The following RIF1 variants were observed in gnomAD, a reference collection of about 807,000 sequenced individuals.
RIF1 encodes telomere-associated protein RIF1.
A neutral mutation model predicts 247.1 loss-of-function variants in RIF1; 45 were observed. The observed-to-expected ratio is 0.18, with a 90% CI of 0.14 to 0.23. The LOEUF is 0.23. Ranked by LOEUF, RIF1 falls within the 10% of genes least tolerant of loss-of-function variation. The pLI is 1.00. For synonymous variants in RIF1, 1,087 were observed against 978.8 expected (o/e 1.11, Z -2.06); for missense variants, 2,967 against 2,862.5 (o/e 1.04, Z -0.83).
chr2:151,483,547 A>G (rs2049265694), downstream of RIF1, among the ~76,000 whole-genome samples: 1 of 152,140 alleles, frequency 6.6e-6, no homozygotes, highest in African/African-American at 2.4e-5. Context: ...TTTTATATAT[A>G]CAGTCATCCC....
At chr2:151,449,615 T>A (rs1693913262) in intron 20 of RIF1, among the ~76,000 whole-genome samples, 1 of 152,110 alleles carries the variant, frequency 6.6e-6, no homozygotes, top group Non-Finnish European at 1.5e-5. Flanking sequence ...CCACCAACCT[T>A]TTTGTTCTGA....
intron 35 of RIF1, 70 bp from the exon 36 acceptor site, chr2:151,474,787 A>C: frequency 1.1e-6 from 1 of 896,044 alleles, no homozygotes; most frequent in Non-Finnish European, 1.8e-6. Context: ...GGACTAACTT[A>C]AAAGATCATG....
chr2:151,500,470 A>AAAGAT (rs2063584586), intron 11 of RIF1, among the ~76,000 whole-genome samples: 1 of 152,124 alleles, frequency 6.6e-6, no homozygotes. Context: ...AATATTAATA[A>AAAGAT]AAGATAACAT....
At chr2:151,518,326 G>T in the RIF1 span, 3 of 1,600,914 alleles carry the variant, frequency 1.9e-6, no homozygotes, top group Non-Finnish European at 2.6e-6. Context: ...ACTATACTCT[G>T]TAATTCTGTG....
intron 10 of RIF1, chr2:151,497,812 G>C: frequency 6.5e-7 from 1 of 1,533,442 alleles, no homozygotes; most frequent in East Asian, 2.5e-5. Flanking sequence ...AGTCATCCAA[G>C]GAGCCAGAAG....
chr2:151,436,930 A>G lies in RIF1; in HGVS notation c.1299A>G (p.Glu433=). The stretch of plus-strand genomic sequence containing the variant: ...CATCCATTCAACTTTTGGGACTTGA[A>G]ATGTTGCTTCATTTCTTGTTGGGTC... ...TIPSIQLLGL[E]MLLHFLLGPE... The change falls in exon 12 of 36, where the codon GAA becomes GAG. Residue 433 remains glutamate (E), a synonymous_variant. Coordinates refer to ENST00000444746, the MANE Select transcript of RIF1 (RefSeq NM_018151.5). The G allele has an allele frequency of 6.2e-7, 1 of 1,614,050 alleles. No individual in the cohort carries two copies.
the RIF1 span, among the ~76,000 whole-genome samples, chr2:151,528,171 G>C: frequency 6.6e-6 from 1 of 152,202 alleles, no homozygotes; most frequent in Non-Finnish European, 1.5e-5. Context: ...GGGCTTGCAT[G>C]CTTCCTAGAC....
intron 9 of RIF1, among the ~76,000 whole-genome samples, chr2:151,430,928 A>C (rs1361827550): frequency 1.3e-5 from 2 of 152,166 alleles, no homozygotes; most frequent in Admixed American, 1.3e-4. Flanking sequence ...TGTTAGGATT[A>C]CAGGTGTGAG....
chr2:151,476,346 G>A lies in RIF1; in HGVS notation c.*1275G>A, dbSNP rs1164972106. 1 of 152,096 alleles carries A rather than the reference G, an allele frequency of 6.6e-6. No homozygotes were observed. Among genetic ancestry groups the A allele is most frequent in the East Asian group, 1.9e-4 (1 of 5,206 alleles). The allele number at this position is 152,096 out of a possible 1,614,324, so 9.4% of individuals were successfully genotyped here. On this transcript the variant is annotated 3_prime_UTR_variant, in exon 36 of 36. Coordinates refer to ENST00000444746, the MANE Select transcript of RIF1 (RefSeq NM_018151.5). ...AAAGAGGTATGTAATTAAAACCTTTGTAAAATTTGCCAACTAATATTAGTG... is the reference window on the plus strand; with the variant it reads ...AAAGAGGTATGTAATTAAAACCTTTATAAAATTTGCCAACTAATATTAGTG...
At chr2:151,412,887 C>G (rs1415348884) in intron 3 of RIF1, among the ~76,000 whole-genome samples, 1 of 152,044 alleles carries the variant, frequency 6.6e-6, no homozygotes, top group African/African-American at 2.4e-5. Context: ...TCACAGTCAT[C>G]AACATTTTTT....
rs748817850 is a variant in RIF1, at chr2:151,475,093, GTTT to G, written c.*27_*29del. Reference sequence around the variant, plus strand: ...TTAGTATTTTCAGAGAAAATTGAAGGTTTTTTTAAACATCACTGGATTTCTTGA... The same window carrying G: ...TTAGTATTTTCAGAGAAAATTGAAGGTTTTAAACATCACTGGATTTCTTGA... On this transcript the variant is annotated 3_prime_UTR_variant, in exon 36 of 36. Transcript: ENST00000444746. 6.5e-7 allele frequency: 1 copy of G among 1,532,584 alleles called. No individual in the cohort carries two copies. The highest frequency in any genetic ancestry group is 9.0e-7 in the Non-Finnish European group (1 of 1,108,158). 94.9% of individuals were successfully genotyped at this position (1,532,584 alleles called of 1,614,324 possible).
rs111827545 is a variant in RIF1, at chr2:151,462,982, G to A, written c.3462G>A (p.Glu1154=). ...AAAAGTCCTCCCTTTCGAATAATGA[G>A]TGTGGTTCTCTTGACAAAACCAGTC... The part of the protein sequence containing the change: ...HLEKSSLSNN[E]CGSLDKTSPE... Residue 1154 remains glutamate, a synonymous_variant, in exon 30 of 36, where the codon GAG becomes GAA. Transcript: ENST00000444746. 24 of 1,614,022 alleles carry A rather than the reference G, an allele frequency of 1.5e-5. No individual in the cohort carries two copies. The African/African-American group carries it at 1.7e-4, about 12-fold the overall frequency.
chr2:151,422,871 TG>T, intron 7 of RIF1, 78 bp from the exon 8 acceptor site: 1 of 779,642 alleles, frequency 1.3e-6, no homozygotes, highest in Non-Finnish European at 2.2e-6. Flanking sequence ...AATCAGTTTT[TG>T]AAAATTATTC....
Position 151,443,778 on chromosome 2 carries a change from TGAATA to T in RIF1, c.1986+73_1986+77del, listed in dbSNP as rs1275549137. On this transcript the variant is annotated intron_variant, in intron 18 of 35. Transcript: ENST00000444746. Reference sequence around the variant, plus strand: ...TTTTTTGTTAGTGCAGTTGGGGAAATGAATAGAAGTTTGAATTTGAATAGAAGATG... The same window carrying T: ...TTTTTTGTTAGTGCAGTTGGGGAAATGAAGTTTGAATTTGAATAGAAGATG... 3.3e-6 allele frequency: 3 copies of T among 919,984 alleles called. No homozygotes were observed. In the African/African-American group the frequency reaches 5.2e-5, roughly 16 times the overall value. The allele number at this position is 919,984 out of a possible 1,614,324, so 57.0% of individuals were successfully genotyped here.
At chr2:151,483,741 G>GTACA (rs2049290015), downstream of RIF1, among the ~76,000 whole-genome samples, 1 of 152,196 alleles carries the variant, frequency 6.6e-6, no homozygotes, top group Non-Finnish European at 1.5e-5. Context: ...GAAACAGGCT[G>GTACA]TACAGCAGGA....
the RIF1 span, chr2:151,533,653 CT>C: frequency 1.5e-6 from 1 of 681,838 alleles, no homozygotes; most frequent in Admixed American, 2.3e-5. Context: ...GGCATACACA[CT>C]TTATGTACTC....
At chr2:151,498,079 T>G (rs962894667) in intron 10 of RIF1, 2 of 1,466,200 alleles carry the variant, frequency 1.4e-6, no homozygotes. Context: ...TTTGTAAATA[T>G]CAGATGAAGT....
At chr2:151,466,604 T>G (rs1193233389) in intron 30 of RIF1, among the ~76,000 whole-genome samples, 1 of 152,246 alleles carries the variant, frequency 6.6e-6, no homozygotes, top group African/African-American at 2.4e-5. Flanking sequence ...TATTTAGTTA[T>G]TTATATCCCC....
chr2:151,482,829 T>G (rs1021083947), downstream of RIF1, among the ~76,000 whole-genome samples: 3 of 152,184 alleles, frequency 2.0e-5, no homozygotes, highest in Non-Finnish European at 4.4e-5. Flanking sequence ...CAGCAGGGTT[T>G]GTTCCTTCTA....
Sources: gnomAD v4.1 joint callset for allele counts (sites outside exome capture counted in the v4.1 genomes callset) on GRCh38, gnomAD v4.1.1 for gene constraint, MANE v1.5 for transcripts, NCBI Gene and HGNC (gene_info 2026-07-23, HGNC 2026-07-21) for gene names.